Variants in PCDHGA5 observed in about 807,000 individuals in gnomAD.
The protein encoded by PCDHGA5 is protocadherin gamma-A5.
Under a neutral mutation model 56.7 loss-of-function variants are expected in PCDHGA5, and 36 were observed. The ratio of observed to expected loss-of-function variants is 0.64; its 90% CI spans 0.49 to 0.84. PCDHGA5 has a LOEUF of 0.84. Among genes scored for constraint, PCDHGA5 ranks in the 40% least tolerant of loss-of-function variants. PCDHGA5 has a pLI of 0.00. For missense variants in PCDHGA5, 1,305 were observed against 1,201.5 expected (o/e 1.09, Z -1.27); for synonymous variants, 563 against 520.2 (o/e 1.08, Z -1.12).
intron 1 of PCDHGA5, chr5:141,384,825 CG>C (rs1780562640): frequency 1.2e-6 from 2 of 1,613,472 alleles, no homozygotes; most frequent in Non-Finnish European, 1.7e-6. Context: ...AGCAGAGCCT[CG>C]TGGTGGCCGT....
Position 141,364,438 on chromosome 5 carries a change from G to T in PCDHGA5, c.108G>T (p.Pro36=). 6.2e-7 allele frequency: 1 copy of T among 1,613,820 alleles called. No individual in the cohort carries two copies. The highest frequency in any genetic ancestry group is 1.3e-5 in the African/African-American group (1 of 75,062). The part of the protein sequence containing the change: ...PGSGQIRYSM[P]EELDKGSFVG... ...CCGGGCAGATCCGCTACTCGATGCC[G>T]GAGGAGCTGGACAAAGGCTCCTTCG... The change falls in exon 1 of 4, where the codon CCG becomes CCT. Residue 36 remains proline (P), a synonymous_variant. Transcript: ENST00000518069.
intron 1 of PCDHGA5, among the ~76,000 whole-genome samples, chr5:141,444,482 T>G (rs1346576719): frequency 6.6e-6 from 1 of 152,000 alleles, no homozygotes; most frequent in Non-Finnish European, 1.5e-5. Context: ...CGTACTGGAT[T>G]TATATTGTGT....
At position 141,418,204 on chromosome 5, in the gene PCDHGA5, T is replaced by G. The variant is rs1456912993; in HGVS notation, c.2421+51453T>G. ...AAGCTGTGGTGGAAAATCCTTTAAATATTTTTCATGTCATTGTGGTGATTG... is the reference window on the plus strand; with the variant it reads ...AAGCTGTGGTGGAAAATCCTTTAAAGATTTTTCATGTCATTGTGGTGATTG... On this transcript the variant is annotated intron_variant, in intron 1 of 3. Transcript: ENST00000518069. The G allele has an allele frequency of 2.5e-6, 4 of 1,614,054 alleles. No homozygotes were observed. The East Asian group carries it at 8.9e-5, about 36-fold the overall frequency.
chr5:141,497,986 G>T (rs1404550601), intron 2 of PCDHGA5, among the ~76,000 whole-genome samples: 1 of 152,176 alleles, frequency 6.6e-6, no homozygotes, highest in Non-Finnish European at 1.5e-5. Context: ...GGAGGCCCCT[G>T]CCCTCAAGGA....
chr5:141,479,939 A>G (rs763454741), intron 1 of PCDHGA5, among the ~76,000 whole-genome samples: 2 of 152,004 alleles, frequency 1.3e-5, no homozygotes, highest in Non-Finnish European at 2.9e-5. Flanking sequence ...ATTGCTATCA[A>G]CTCTTGGATT....
At chr5:141,429,396 T>A (rs2097212352) in intron 1 of PCDHGA5, among the ~76,000 whole-genome samples, 1 of 151,520 alleles carries the variant, frequency 6.6e-6, no homozygotes, top group African/African-American at 2.4e-5. Context: ...TTAAAAAAAA[T>A]TGAGATTAAG....
At chr5:141,509,631 C>A (rs1250891268) in intron 3 of PCDHGA5, among the ~76,000 whole-genome samples, 1 of 152,200 alleles carries the variant, frequency 6.6e-6, no homozygotes, top group East Asian at 1.9e-4. Flanking sequence ...CTGGGTGATG[C>A]TGAGCCAGGG....
Position 141,490,320 on chromosome 5 carries a change from A to G in PCDHGA5, c.2422-4487A>G. The G allele has an allele frequency of 6.2e-7, 1 of 1,614,228 alleles. No individual in the cohort carries two copies. The highest frequency in any genetic ancestry group is 1.1e-5 in the South Asian group (1 of 91,088). ...TGGCCTCTTTGGCCAACCCTGTCCT[A>G]GAGAGCACACCAGTGGGCACAGTAG... On this transcript the variant is annotated intron_variant, in intron 1 of 3. Transcript: ENST00000518069. The surrounding 1 kb of genome is among the most constrained non-coding windows in gnomAD (Gnocchi z 5.4).
intron 1 of PCDHGA5, chr5:141,372,011 G>C (rs759270061): frequency 6.2e-7 from 1 of 1,613,176 alleles, no homozygotes; most frequent in Non-Finnish European, 8.5e-7. Context: ...ACCAGGGCTC[G>C]CCTACGCTCA....
intron 1 of PCDHGA5, chr5:141,392,586 C>A: frequency 2.1e-6 from 1 of 478,230 alleles, no homozygotes; most frequent in Non-Finnish European, 3.7e-6. Flanking sequence ...GTAAGCGCCG[C>A]TGTTCACCTA....
intron 1 of PCDHGA5, chr5:141,372,737 A>G (rs1451601916): frequency 6.2e-7 from 1 of 1,613,388 alleles, no homozygotes; most frequent in African/African-American, 1.3e-5. Context: ...AAGATCTTCT[A>G]TGTGATGAAG....
At chr5:141,409,840 G>A (rs1361942011) in intron 1 of PCDHGA5, 3 of 1,611,558 alleles carry the variant, frequency 1.9e-6, no homozygotes, top group African/African-American at 1.3e-5. Flanking sequence ...GCGCCAACGT[G>A]AGCCTGCGCG....
At chr5:141,399,196 G>A (rs201540226) in intron 1 of PCDHGA5, 2 of 1,613,938 alleles carry the variant, frequency 1.2e-6, no homozygotes, top group Non-Finnish European at 1.7e-6. Flanking sequence ...GGAAAACGCG[G>A]TGCCTGGAAC....
chr5:141,497,614 A>G (rs1377740795), intron 2 of PCDHGA5, among the ~76,000 whole-genome samples: 1 of 146,530 alleles, frequency 6.8e-6, no homozygotes, highest in Admixed American at 7.0e-5. Context: ...ATCTTGGCTC[A>G]CTGCAACCTC....
At chr5:141,427,401 G>A (rs2097022075) in intron 1 of PCDHGA5, 1 of 461,400 alleles carries the variant, frequency 2.2e-6, no homozygotes, top group Non-Finnish European at 4.3e-6. Flanking sequence ...ACATGATAAA[G>A]ATTCGAGAGA....
rs755321974 is a variant in PCDHGA5 at position 141,365,861 on chromosome 5, A to G, written c.1531A>G (p.Thr511Ala). Reference protein sequence around the residue: ...LSSYVSINSDTGVLYALRSFD... With the variant: ...LSSYVSINSDAGVLYALRSFD... ...CTCCTATGTATCCATTAACTCTGAC[A>G]CCGGTGTCCTGTATGCTCTGAGATC... Residue 511 changes from threonine (T) to alanine (A), a missense_variant, in exon 1 of 4, where the codon ACC (threonine) becomes GCC (alanine). By Grantham distance (58) the Thr-to-Ala change is moderately conservative. Coordinates refer to ENST00000518069, the MANE Select transcript of PCDHGA5 (RefSeq NM_018918.3). The G allele has an allele frequency of 2.5e-5, 40 of 1,613,912 alleles. No individual in the cohort carries two copies. The highest frequency in any genetic ancestry group is 1.6e-4 in the Middle Eastern group (1 of 6,084).
At chr5:141,481,913 CAAA>C (rs34114744) in intron 1 of PCDHGA5, among the ~76,000 whole-genome samples, 50 of 90,788 alleles carry the variant, frequency 5.5e-4, no homozygotes, top group African/African-American at 7.1e-4. Flanking sequence ...AACTCCATCT[CAAA>C]AAAAAAAAAA....
At position 141,432,185 on chromosome 5, in the gene PCDHGA5, G is replaced by A. The variant is rs376661062; in HGVS notation, c.2422-62622G>A. 8.1e-6 allele frequency: 13 copies of A among 1,613,956 alleles called. No individual in the cohort carries two copies. The African/African-American group carries it at 1.3e-4, about 17-fold the overall frequency. On this transcript the variant is annotated intron_variant, in intron 1 of 3. Transcript: ENST00000518069. This position sits in a 1 kb window ranked among gnomAD's most constrained non-coding sequence, Gnocchi z 6.0. ...AGGAGTTTCCCTCGTCTCTGTGACC[G>A]CCCACGACCCCGACTGTGAAGAGAA...
At chr5:141,406,859 TC>T (rs1171504234) in intron 1 of PCDHGA5, among the ~76,000 whole-genome samples, 1 of 152,252 alleles carries the variant, frequency 6.6e-6, no homozygotes, top group African/African-American at 2.4e-5. Flanking sequence ...AAGAAAATAT[TC>T]TCAGGAACTG....
Sources: allele counts gnomAD v4.1 joint callset (sites outside exome capture counted in the v4.1 genomes callset), GRCh38; gene constraint gnomAD v4.1.1; non-coding constraint Gnocchi (gnomAD v3.1); transcripts MANE v1.5; gene names NCBI Gene and HGNC (gene_info 2026-07-23, HGNC 2026-07-21).